The following CENPV variants were observed in gnomAD, a reference collection of about 807,000 sequenced individuals.
The protein encoded by CENPV is centromere protein V.
In CENPV, 15 loss-of-function variants were observed where a neutral mutation model predicts 26.4. The ratio of observed to expected loss-of-function variants is 0.57; its 90% CI spans 0.38 to 0.88. The LOEUF (loss-of-function observed/expected upper bound fraction) is 0.88. Ranked by LOEUF, CENPV falls within the 40% of genes least tolerant of loss-of-function variation. The probability of loss-of-function intolerance (pLI) is 0.00; values close to 1 mark genes in which losing one functional copy is unlikely to be tolerated. For synonymous variants in CENPV, 172 were observed against 165.5 expected, an observed-to-expected ratio of 1.04 and a Z score of -0.30; for missense variants, 336 against 376.5, an observed-to-expected ratio of 0.89 and a Z score of 0.89.
intron 2 of CENPV, 197 bp downstream of exon 2, chr17:16,349,734 G>A: frequency 7.3e-7 from 1 of 1,371,274 alleles, no homozygotes. Flanking sequence ...GGGCCATGCT[G>A]TTGAAGCTCT....
rs375405566 is a variant in CENPV at position 16,344,720 on chromosome 17, A to G, written c.580-9T>C. On this transcript the variant is annotated splice_polypyrimidine_tract_variant and intron_variant, in intron 3 of 4. Coordinates refer to ENST00000299736, the MANE Select transcript of CENPV (RefSeq NM_181716.3). ...GTTATGTGCTCAGCTCCCTAGGTGAAAACAGACAAACGGTATTCTTTTTTA... is the reference window on the plus strand; with the variant it reads ...GTTATGTGCTCAGCTCCCTAGGTGAGAACAGACAAACGGTATTCTTTTTTA... The G allele has an allele frequency of 8.3e-6, 12 of 1,447,418 alleles. No homozygotes were observed. Among genetic ancestry groups the G allele is most frequent in the African/African-American group, 4.3e-5 (3 of 69,176 alleles). The allele number at this position is 1,447,418 out of a possible 1,614,324, so 89.7% of individuals were successfully genotyped here. A position where few individuals can be genotyped will look rare whatever the true frequency, so the allele number is the denominator to read the frequency against.
At chr17:16,352,646 A>G (rs1318238110) in intron 1 of CENPV, among the ~76,000 whole-genome samples, 1 of 152,080 alleles carries the variant, frequency 6.6e-6, no homozygotes, top group East Asian at 1.9e-4. Flanking sequence ...CGGGTAAGAG[A>G]AAGCCGTGGG....
intron 2 of CENPV, chr17:16,349,707 C>T (rs1388478815): frequency 1.5e-6 from 2 of 1,307,298 alleles, no homozygotes; most frequent in East Asian, 6.7e-5. Flanking sequence ...CCCTGAGGAC[C>T]CTGCTCTGTG....
At chr17:16,351,431 T>C (rs1468930404) in intron 1 of CENPV, 1 of 152,248 alleles carries the variant, frequency 6.6e-6, no homozygotes, top group African/African-American at 2.4e-5. Context: ...TTTGCATGAT[T>C]AAGACTGATC....
chr17:16,344,439 A>T, intron 4 of CENPV, 158 bp downstream of exon 4: 1 of 395,434 alleles, frequency 2.5e-6, no homozygotes. Flanking sequence ...CTCACATTCT[A>T]TCATGTGGAA....
intron 1 of CENPV, chr17:16,351,194 G>A (rs562373885): frequency 6.6e-6 from 1 of 152,210 alleles, no homozygotes; most frequent in African/African-American, 2.4e-5. Flanking sequence ...GCCTCCCAAA[G>A]TGCTGGGATT....
intron 3 of CENPV, among the ~76,000 whole-genome samples, chr17:16,346,702 G>A (rs946839883): frequency 1.1e-4 from 17 of 151,026 alleles, no homozygotes; most frequent in African/African-American, 3.2e-4. Context: ...AGTGAGCCGA[G>A]ATCACACCAC....
intron 3 of CENPV, chr17:16,347,494 C>A (rs2093212004): frequency 1.3e-5 from 2 of 148,728 alleles, no homozygotes; most frequent in Admixed American, 7.0e-5. Context: ...AATCTGTATT[C>A]TTTAACCTGG....
intron 4 of CENPV, among the ~76,000 whole-genome samples, chr17:16,343,832 C>T (rs991922722): frequency 1.3e-5 from 2 of 150,906 alleles, no homozygotes; most frequent in Non-Finnish European, 2.9e-5. Flanking sequence ...TAGCTGCTCT[C>T]GCAGCTCTGG....
intron 2 of CENPV, 171 bp from the exon 3 acceptor site, chr17:16,348,856 G>A: frequency 7.5e-7 from 1 of 1,328,464 alleles, no homozygotes; most frequent in South Asian, 1.5e-5. Flanking sequence ...TGGTTTGCAG[G>A]TACAGCAGAG....
chr17:16,351,590 T>TA (rs2142902948), intron 1 of CENPV: 2 of 152,352 alleles, frequency 1.3e-5, no homozygotes, highest in East Asian at 3.9e-4. Context: ...TACAGTTAAT[T>TA]ATTTGTTATA....
chr17:16,343,127 C>T (rs2093189596), intron 4 of CENPV, among the ~76,000 whole-genome samples, 186 bp from the exon 5 acceptor site: 1 of 152,230 alleles, frequency 6.6e-6, no homozygotes, highest in Admixed American at 6.5e-5. Context: ...TCGGAAAGCA[C>T]TGGCTCCAGC....
Position 16,353,372 on chromosome 17 carries a change from G to A in CENPV, c.65C>T (p.Ala22Val). ...LRGQKRSGAS[A>V]APAASAAAAL... is the part of the protein sequence containing the mutation. ...AGCGGCCGCGGAGGCCGCGGGGGCC[G>A]CGGAGGCCCCGGACCGCTTCTGCCC... Residue 22 changes from alanine to valine, a missense_variant, in exon 1 of 5, where the codon GCG becomes GTG. By Grantham distance (64) the Ala-to-Val change is moderately conservative (BLOSUM62 0). Around this residue, in one of 2 missense-constraint regions of CENPV, gnomAD observed 181 missense variants for 148.8 expected, o/e 1.22. Transcript: ENST00000299736. 2 of 1,239,940 alleles carry A rather than the reference G, an allele frequency of 1.6e-6. No individual in the cohort carries two copies. The highest frequency in any genetic ancestry group is 2.0e-6 in the Non-Finnish European group (2 of 994,358). The allele number at this position is 1,239,940 out of a possible 1,614,324, so 76.8% of individuals were successfully genotyped here.
rs756771426 is a variant in CENPV at position 16,342,816 on chromosome 17, C to G, written c.*1G>C. On this transcript the variant is annotated 3_prime_UTR_variant, in exon 5 of 5. Transcript: ENST00000299736. Reference sequence around the variant, plus strand: ...CTTTTCAGGGCAGGAGAGGCAGAAGCTCACTCTTTAGACATGTTCTTGATG... The same window carrying G: ...CTTTTCAGGGCAGGAGAGGCAGAAGGTCACTCTTTAGACATGTTCTTGATG... 6.2e-7 allele frequency: 1 copy of G among 1,614,056 alleles called. No individual in the cohort carries two copies. The highest frequency in any genetic ancestry group is 1.1e-5 in the South Asian group (1 of 91,072).
In CENPV at chr17:16,346,740, G is replaced by A. The variant is rs565275722; in HGVS notation, c.579+1876C>T. The stretch of plus-strand genomic sequence containing the variant: ...CACTCCAGCCTGGGCAACAGAGTGA[G>A]ACTGTCTCAAAAAAAAAGTTAAGCA... On this transcript the variant is annotated intron_variant, in intron 3 of 4. Coordinates refer to ENST00000299736, the MANE Select transcript of CENPV (RefSeq NM_181716.3). Among the ~76,000 whole-genome samples the A allele has an allele frequency of 5.3e-5, 8 of 151,590 alleles. No individual in the cohort carries two copies. In the East Asian group the frequency reaches 1.5e-3, roughly 29 times the overall value.
chr17:16,344,027 G>A (rs1442790086), intron 4 of CENPV, among the ~76,000 whole-genome samples: 1 of 152,082 alleles, frequency 6.6e-6, no homozygotes, highest in East Asian at 1.9e-4. Context: ...TTTTTAAAAA[G>A]AACAGAGATA....
rs757551199 is a variant in CENPV, at chr17:16,348,568, T to C, written c.579+48A>G. 8.7e-6 allele frequency: 14 copies of C among 1,610,432 alleles called. 1 individual carries two copies. The South Asian group carries it at 1.5e-4, about 18-fold the overall frequency. On this transcript the variant is annotated intron_variant, in intron 3 of 4. Coordinates refer to ENST00000299736, the MANE Select transcript of CENPV (RefSeq NM_181716.3). ...ACAGTTGGGTGGGGGGTCCTGTAAA[T>C]CTCACCAATGGGTTCTGCACTCCTT...
intron 2 of CENPV, 187 bp from the exon 3 acceptor site, chr17:16,348,872 G>C (rs897526404): frequency 4.3e-6 from 6 of 1,389,212 alleles, no homozygotes; most frequent in Admixed American, 2.9e-5. Flanking sequence ...CAGAGCCCAG[G>C]GGGGTCCCAA....
chr17:16,353,017 C>T lies in CENPV; in HGVS notation c.410+10G>A. On this transcript the variant is annotated intron_variant, in intron 1 of 4. Transcript: ENST00000299736. ...AACGGCTCCCGCGCCCCCCGGCCCG[C>T]CGCACTCACAAGGTGTCTAGCAGGA... The T allele has an allele frequency of 1.9e-6, 3 of 1,554,790 alleles. No homozygotes were observed. Among genetic ancestry groups the T allele is most frequent in the South Asian group, 2.3e-5 (2 of 86,638 alleles).
Sources: allele counts gnomAD v4.1 joint callset (sites outside exome capture counted in the v4.1 genomes callset), GRCh38; gene constraint gnomAD v4.1.1; regional missense constraint gnomAD v4.1.1; transcripts MANE v1.5; gene names NCBI Gene and HGNC (gene_info 2026-07-23, HGNC 2026-07-21).